The following PTH2R variants were observed in gnomAD, a reference collection of about 807,000 sequenced individuals.
PTH2R encodes parathyroid hormone 2 receptor.
Under a neutral mutation model 60.3 loss-of-function variants are expected in PTH2R, and 59 were observed. That is an observed-to-expected ratio of 0.98 (90% CI 0.79 to 1.22). The LOEUF (loss-of-function observed/expected upper bound fraction) is 1.22. Among genes scored for constraint, PTH2R ranks in the 50% most tolerant of loss-of-function variants. PTH2R has a pLI of 0.00. For missense variants in PTH2R, 749 were observed against 682.6 expected (o/e 1.10, Z -1.08); for synonymous variants, 256 against 243.8 (o/e 1.05, Z -0.47).
chr2:208,447,642 T>TAAAG (rs1702315959), intron 7 of PTH2R, among the ~76,000 whole-genome samples: 1 of 133,508 alleles, frequency 7.5e-6, no homozygotes, highest in Non-Finnish European at 1.7e-5. Flanking sequence ...AATAAATAAA[T>TAAAG]AATAGGAAGG....
chr2:208,440,469 G>A (rs943095471), intron 4 of PTH2R, among the ~76,000 whole-genome samples: 1 of 152,158 alleles, frequency 6.6e-6, no homozygotes, highest in African/African-American at 2.4e-5. Context: ...AAGAGGCAAA[G>A]TCTTCCTGCT....
At chr2:208,462,813 T>C (rs1444562939) in intron 9 of PTH2R, among the ~76,000 whole-genome samples, 2 of 152,142 alleles carry the variant, frequency 1.3e-5, no homozygotes, top group Non-Finnish European at 2.9e-5. Context: ...TGTGCCAAGG[T>C]TGAGCGTGGG....
At chr2:208,445,333 G>A (rs530558491) in intron 7 of PTH2R, among the ~76,000 whole-genome samples, 119 of 152,244 alleles carry the variant, frequency 7.8e-4, no homozygotes, top group African/African-American at 2.8e-3. Context: ...CATCCTGACT[G>A]TATTTAACAA....
intron 1 of PTH2R, among the ~76,000 whole-genome samples, chr2:208,365,326 C>T (rs781135705): frequency 2.6e-4 from 39 of 151,970 alleles, no homozygotes; most frequent in Non-Finnish European, 4.4e-4. Flanking sequence ...TTATTATGTG[C>T]AGGTAATTTC....
At chr2:208,361,067 G>T in intron 1 of PTH2R, 1 of 196,490 alleles carries the variant, frequency 5.1e-6, no homozygotes, top group East Asian at 1.3e-4. Context: ...ACACACAGCT[G>T]CCGCCCACAG....
intron 12 of PTH2R, among the ~76,000 whole-genome samples, chr2:208,492,158 A>G (rs892582486): frequency 1.3e-5 from 2 of 152,206 alleles, no homozygotes; most frequent in Non-Finnish European, 2.9e-5. Context: ...GCCCCACCCT[A>G]TTAAGAATGC....
chr2:208,364,635 A>G (rs1265904816), intron 1 of PTH2R, among the ~76,000 whole-genome samples: 1 of 151,866 alleles, frequency 6.6e-6, no homozygotes, highest in Non-Finnish European at 1.5e-5. Flanking sequence ...TCTTTTTCAA[A>G]ATTGTTTGAC....
At chr2:208,390,517 G>T (rs1391748414) in intron 1 of PTH2R, among the ~76,000 whole-genome samples, 1 of 152,194 alleles carries the variant, frequency 6.6e-6, no homozygotes, top group African/African-American at 2.4e-5. Flanking sequence ...ATGGGCCATG[G>T]TGGATATTGT....
chr2:208,394,644 TA>T (rs1701172448), intron 1 of PTH2R, among the ~76,000 whole-genome samples: 2 of 152,030 alleles, frequency 1.3e-5, no homozygotes, highest in Non-Finnish European at 2.9e-5. Context: ...TGTGCCTCCC[TA>T]AAAAAATGGA....
chr2:208,426,953 A>G (rs1364794423), intron 1 of PTH2R, among the ~76,000 whole-genome samples: 1 of 152,230 alleles, frequency 6.6e-6, no homozygotes, highest in Non-Finnish European at 1.5e-5. Context: ...ATGTTTTAGA[A>G]CAAAATATCT....
chr2:208,431,878 C>A (rs1701979449), intron 2 of PTH2R, among the ~76,000 whole-genome samples: 1 of 152,176 alleles, frequency 6.6e-6, no homozygotes. Context: ...ATATTTCTGG[C>A]CTACAATTTA....
chr2:208,481,044 C>A, intron 9 of PTH2R, 26 bp from the exon 10 acceptor site: 1 of 1,446,324 alleles, frequency 6.9e-7, no homozygotes, highest in South Asian at 1.2e-5. Context: ...AACAATAATT[C>A]TTTGTAATCT....
At chr2:208,419,166 A>G (rs1701701382) in intron 1 of PTH2R, among the ~76,000 whole-genome samples, 1 of 152,152 alleles carries the variant, frequency 6.6e-6, no homozygotes, top group Non-Finnish European at 1.5e-5. Context: ...ATTTCTCCAC[A>G]TCCTCTCCAG....
At chr2:208,459,401 G>C (rs1702585378) in intron 8 of PTH2R, among the ~76,000 whole-genome samples, 1 of 152,082 alleles carries the variant, frequency 6.6e-6, no homozygotes, top group African/African-American at 2.4e-5. Flanking sequence ...CTATGGACAG[G>C]AATAGTTTGC....
intron 5 of PTH2R, among the ~76,000 whole-genome samples, chr2:208,442,829 T>C (rs935703135): frequency 2.0e-5 from 3 of 152,148 alleles, no homozygotes; most frequent in Admixed American, 6.5e-5. Context: ...GAAATAGTAT[T>C]TATTGCTTTT....
chr2:208,453,179 C>T (rs1248354315), intron 8 of PTH2R, among the ~76,000 whole-genome samples: 3 of 152,182 alleles, frequency 2.0e-5, no homozygotes, highest in South Asian at 4.1e-4. Flanking sequence ...TTCTCTAAAT[C>T]AGAAATAGGT....
chr2:208,476,932 G>A (rs1703017837), intron 9 of PTH2R, among the ~76,000 whole-genome samples: 1 of 152,180 alleles, frequency 6.6e-6, no homozygotes, highest in South Asian at 2.1e-4. Context: ...TGCAGAGAAA[G>A]TCTGCTCACT....
intron 1 of PTH2R, among the ~76,000 whole-genome samples, chr2:208,374,427 G>A (rs1700756559): frequency 6.6e-6 from 1 of 152,016 alleles, no homozygotes; most frequent in African/African-American, 2.4e-5. Flanking sequence ...CTCCTGTGAA[G>A]GTCATCTTTG....
intron 9 of PTH2R, among the ~76,000 whole-genome samples, chr2:208,464,475 T>C (rs1702700209): frequency 6.6e-6 from 1 of 152,298 alleles, no homozygotes; most frequent in Admixed American, 6.5e-5. Context: ...GCCACACCAG[T>C]ACATGATTTG....
Sources: gnomAD v4.1 joint callset for allele counts (sites outside exome capture counted in the v4.1 genomes callset) on GRCh38, gnomAD v4.1.1 for gene constraint, MANE v1.5 for transcripts, NCBI Gene and HGNC (gene_info 2026-07-23, HGNC 2026-07-21) for gene names.